RGS9: variants seen among roughly 807,000 people sequenced by gnomAD.
RGS9 encodes the protein regulator of G-protein signalling 9.
A neutral mutation model predicts 102.0 loss-of-function variants in RGS9; 78 were observed. The ratio of observed to expected loss-of-function variants is 0.76; its 90% CI spans 0.64 to 0.92. RGS9 has a LOEUF of 0.92. Ranked by LOEUF, RGS9 falls within the 40% of genes least tolerant of loss-of-function variation. The pLI is 0.00. For missense variants in RGS9, 833 were observed against 866.1 expected (o/e 0.96, Z 0.48); for synonymous variants, 353 against 318.6 (o/e 1.11, Z -1.15).
chr17:65,153,390 G>A (rs779103101), intron 1 of RGS9, 32 bp from the exon 2 acceptor site: 18 of 1,581,804 alleles, frequency 1.1e-5, no homozygotes, highest in African/African-American at 2.7e-5. Flanking sequence ...AATTGTTCTC[G>A]TCAGTCGGCT....
At chr17:65,202,452 AGAGAGAGAGAGAGAGT>A (rs374568698) in intron 14 of RGS9, among the ~76,000 whole-genome samples, 54 of 138,534 alleles carry the variant, frequency 3.9e-4, no homozygotes, top group Admixed American at 5.6e-4. Flanking sequence ...TGTGAGAGAG[AGAGAGAGAGAGAGAGT>A]GAGAGAGAGA....
In RGS9 at chr17:65,200,221, A is replaced by G. The variant is rs372448400; in HGVS notation, c.977-1772A>G. Among the ~76,000 whole-genome samples the G allele has an allele frequency of 4.6e-5, 7 of 151,840 alleles. No individual in the cohort carries two copies. In the East Asian group the frequency reaches 5.9e-4, roughly 13 times the overall value. ...TAATTTTTGTATTTTTAGTAGAGACAGGGTTTCACCATGTTTGTCAGGCTG... is the reference window on the plus strand; with the variant it reads ...TAATTTTTGTATTTTTAGTAGAGACGGGGTTTCACCATGTTTGTCAGGCTG... On this transcript the variant is annotated intron_variant, in intron 13 of 18. Coordinates refer to ENST00000262406, the MANE Select transcript of RGS9 (RefSeq NM_003835.4).
intron 7 of RGS9, among the ~76,000 whole-genome samples, chr17:65,166,642 C>T (rs1407623823): frequency 1.3e-5 from 2 of 152,222 alleles, no homozygotes; most frequent in African/African-American, 4.8e-5. Flanking sequence ...TCATGACTCT[C>T]CTCTAATAAC....
intron 15 of RGS9, among the ~76,000 whole-genome samples, chr17:65,207,215 A>G (rs1211852177): frequency 6.6e-6 from 1 of 152,206 alleles, no homozygotes; most frequent in Non-Finnish European, 1.5e-5. Context: ...AGTGGGCTCC[A>G]TACTCCTGGC....
At chr17:65,211,932 TG>T (rs1913320529) in intron 17 of RGS9, among the ~76,000 whole-genome samples, 1 of 152,196 alleles carries the variant, frequency 6.6e-6, no homozygotes. Flanking sequence ...TTCATGCATG[TG>T]GGGTCATCTG....
At position 65,218,942 on chromosome 17, in the gene RGS9, G is replaced by A. The variant is rs148049938; in HGVS notation, c.1408-6060G>A. On this transcript the variant is annotated intron_variant, in intron 17 of 18. Transcript: ENST00000262406. Reference sequence around the variant, plus strand: ...ACAGGAGAGACAATTAAACCAAATGGTGTGATATTATAGGGAAGCCACATA... The same window carrying A: ...ACAGGAGAGACAATTAAACCAAATGATGTGATATTATAGGGAAGCCACATA... Among the ~76,000 whole-genome samples the A allele has an allele frequency of 4.9e-4, 74 of 152,348 alleles. No homozygotes were observed. The East Asian group carries it at 0.013, about 28-fold the overall frequency.
At chr17:65,154,819 T>C (rs1341700690) in intron 2 of RGS9, among the ~76,000 whole-genome samples, 4 of 152,242 alleles carry the variant, frequency 2.6e-5, no homozygotes, top group Admixed American at 2.0e-4. Context: ...CAGCTTCTCA[T>C]AGCCCAAGCC....
intron 17 of RGS9, among the ~76,000 whole-genome samples, chr17:65,215,486 T>TTCTTTC (rs2144118434): frequency 9.0e-6 from 1 of 111,028 alleles, no homozygotes; most frequent in African/African-American, 4.2e-5. Flanking sequence ...CTATCTTTCT[T>TTCTTTC]TCGTTCTTTC....
At chr17:65,190,085 G>T in intron 10 of RGS9, 90 bp from the exon 11 acceptor site, 2 of 1,059,492 alleles carry the variant, frequency 1.9e-6, no homozygotes, top group South Asian at 1.3e-5. Flanking sequence ...GTGGCTCTGG[G>T]TAAATGGCTT....
intron 1 of RGS9, among the ~76,000 whole-genome samples, chr17:65,144,118 G>A (rs1369599426): frequency 6.6e-6 from 1 of 152,164 alleles, no homozygotes; most frequent in Non-Finnish European, 1.5e-5. Flanking sequence ...GAGACATCGG[G>A]TGAGACAGCG....
chr17:65,202,539 CAG>C (rs1912900178), intron 14 of RGS9, among the ~76,000 whole-genome samples: 1 of 151,828 alleles, frequency 6.6e-6, no homozygotes, highest in African/African-American at 2.4e-5. Context: ...GTGAGGAACA[CAG>C]GGGAAGGGAG....
chr17:65,197,672 C>CT lies in RGS9; in HGVS notation c.976+443dup, dbSNP rs994682411. On this transcript the variant is annotated intron_variant, in intron 13 of 18. Coordinates refer to ENST00000262406, the MANE Select transcript of RGS9 (RefSeq NM_003835.4). ...GATTTTCTTTTTTCTTTGTTTCTTT[C>CT]TTTTTTTTTTTTCTGGAGACAGAGT... 3.9e-3 allele frequency among the ~76,000 whole-genome samples: 570 copies of CT among 147,088 alleles called. 5 individuals are homozygous for CT. Among genetic ancestry groups the CT allele is most frequent in the Admixed American group, 9.6e-3 (143 of 14,868 alleles).
chr17:65,227,432 G>A lies in RGS9; in HGVS notation c.*25G>A, dbSNP rs369864868. 172 of 1,603,848 alleles carry A rather than the reference G, an allele frequency of 1.1e-4. No homozygotes were observed. Among genetic ancestry groups the A allele is most frequent in the Non-Finnish European group, 1.4e-4 (160 of 1,174,824 alleles). Reference sequence around the variant, plus strand: ...AGGAAAGAGGCAGGCTGAGCTGGGGGCTCTGGACCAGGAAGATGCTCTGAC... The same window carrying A: ...AGGAAAGAGGCAGGCTGAGCTGGGGACTCTGGACCAGGAAGATGCTCTGAC... On this transcript the variant is annotated 3_prime_UTR_variant, in exon 19 of 19. Coordinates refer to ENST00000262406, the MANE Select transcript of RGS9 (RefSeq NM_003835.4).
At chr17:65,221,609 C>T (rs1205056265) in intron 17 of RGS9, among the ~76,000 whole-genome samples, 2 of 152,190 alleles carry the variant, frequency 1.3e-5, no homozygotes, top group Non-Finnish European at 2.9e-5. Flanking sequence ...CTCAGTTTTC[C>T]AGGAGACATT....
chr17:65,213,653 G>A (rs1913388618), intron 17 of RGS9, among the ~76,000 whole-genome samples: 1 of 151,986 alleles, frequency 6.6e-6, no homozygotes, highest in Non-Finnish European at 1.5e-5. Context: ...TTTGGCTCAG[G>A]TATCTCTTGT....
intron 1 of RGS9, among the ~76,000 whole-genome samples, chr17:65,146,028 C>G (rs1910346098): frequency 6.6e-6 from 1 of 152,130 alleles, no homozygotes; most frequent in Non-Finnish European, 1.5e-5. Flanking sequence ...TTTAAAATAA[C>G]TCTCATTATT....
rs12452285 is a variant in RGS9, at chr17:65,193,569, C to T, written c.773C>T (p.Ser258Leu). The part of the protein sequence containing the change: ...GGIVKYSEQF[S>L]SNDAIMSGCL... ...ATTGTGAAATACAGTGAGCAGTTCT[C>T]ATCCAACGATGCCATCATGTCAGGC... Residue 258 changes from serine (S) to leucine (L), a missense_variant, in exon 12 of 19, where the codon TCA (serine) becomes TTA (leucine). Physicochemically the swap from Ser to Leu is moderately radical, Grantham distance 145. Transcript: ENST00000262406. 5.2e-3 allele frequency: 8,312 copies of T among 1,613,216 alleles called. 138 individuals carry two copies. The highest frequency in any genetic ancestry group is 0.039 in the East Asian group (1,772 of 44,862).
At chr17:65,174,719 T>C (rs1486617751) in intron 8 of RGS9, among the ~76,000 whole-genome samples, 1 of 152,044 alleles carries the variant, frequency 6.6e-6, no homozygotes, top group Non-Finnish European at 1.5e-5. Context: ...TTTTTGTGTA[T>C]TCATTCTCAT....
At chr17:65,196,810 G>A (rs1912605449) in intron 12 of RGS9, among the ~76,000 whole-genome samples, 1 of 152,258 alleles carries the variant, frequency 6.6e-6, no homozygotes, top group South Asian at 2.1e-4. Flanking sequence ...GCTCCAGGCT[G>A]TTACCATGCC....
Sources: gnomAD v4.1 joint callset for allele counts (sites outside exome capture counted in the v4.1 genomes callset) on GRCh38, gnomAD v4.1.1 for gene constraint, MANE v1.5 for transcripts, NCBI Gene and HGNC (gene_info 2026-07-23, HGNC 2026-07-21) for gene names.